The following DEPTOR variants were observed in gnomAD, a reference collection of about 807,000 sequenced individuals.
DEPTOR encodes the protein DEP domain containing MTOR interacting protein.
DEPTOR carries 41 observed loss-of-function variants against 41.6 expected under a neutral mutation model. The observed-to-expected ratio is 0.98, with a 90% confidence interval of 0.77 to 1.28. DEPTOR has a LOEUF of 1.28. Among genes scored for constraint, DEPTOR ranks in the 50% most tolerant of loss-of-function variants. The pLI is 0.00. For missense variants in DEPTOR, 514 were observed against 527.9 expected, an observed-to-expected ratio of 0.97 and a Z score of 0.26; for synonymous variants, 195 against 192.3, an observed-to-expected ratio of 1.01 and a Z score of -0.12.
intron 1 of DEPTOR, among the ~76,000 whole-genome samples, chr8:119,917,938 G>A (rs1827835762): frequency 6.6e-6 from 1 of 152,208 alleles, no homozygotes; most frequent in Non-Finnish European, 1.5e-5. Flanking sequence ...ATGTTTATGT[G>A]TATACATATC....
At chr8:119,954,796 C>T (rs148432839) in intron 3 of DEPTOR, among the ~76,000 whole-genome samples, 1 of 152,228 alleles carries the variant, frequency 6.6e-6, no homozygotes, top group East Asian at 1.9e-4. Flanking sequence ...TGGAAATCAG[C>T]TCACATGCAC....
intron 3 of DEPTOR, among the ~76,000 whole-genome samples, chr8:119,955,954 C>T (rs531443307): frequency 2.0e-5 from 3 of 152,144 alleles, no homozygotes; most frequent in East Asian, 3.9e-4. Context: ...TCTTGAGCCC[C>T]GCATCACCAG....
Position 120,016,810 on chromosome 8 carries a change from C to T in DEPTOR, c.1101+7677C>T, listed in dbSNP as rs185946898. Among the ~76,000 whole-genome samples the T allele has an allele frequency of 1.3e-3, 197 of 151,670 alleles. 2 individuals are homozygous for T. The highest frequency in any genetic ancestry group is 4.4e-3 in the African/African-American group (180 of 41,354). ...GTAGAGATGGAGTTTCACCATGTTG[C>T]CTAGGTTGTTCTCGAACTCCTGACC... On this transcript the variant is annotated intron_variant, in intron 8 of 8. Coordinates refer to ENST00000286234, the MANE Select transcript of DEPTOR (RefSeq NM_022783.4).
chr8:119,997,388 C>T (rs1586650857), intron 4 of DEPTOR, among the ~76,000 whole-genome samples: 1 of 152,110 alleles, frequency 6.6e-6, no homozygotes, highest in African/African-American at 2.4e-5. Flanking sequence ...GCATGCTCCA[C>T]CATGCCTGGC....
In DEPTOR at chr8:119,890,767, G is replaced by T. The variant is rs144500186; in HGVS notation, c.122+16799G>T. Among the ~76,000 whole-genome samples the T allele has an allele frequency of 6.6e-5, 10 of 152,204 alleles. No individual in the cohort carries two copies. The East Asian group carries it at 1.9e-3, about 29-fold the overall frequency. On this transcript the variant is annotated intron_variant, in intron 1 of 8. Coordinates refer to ENST00000286234, the MANE Select transcript of DEPTOR (RefSeq NM_022783.4). ...TAAAATGGAAGAAACCAAGGCATGA[G>T]CAACTTGCCATGGTCACACATGTGG...
chr8:119,949,043 C>T (rs1828318913), intron 3 of DEPTOR, among the ~76,000 whole-genome samples: 1 of 152,232 alleles, frequency 6.6e-6, no homozygotes, highest in African/African-American at 2.4e-5. Context: ...GCCTTGGCCT[C>T]CCAAAGTGCT....
At chr8:120,005,577 G>T (rs1812423932) in intron 6 of DEPTOR, among the ~76,000 whole-genome samples, 1 of 152,184 alleles carries the variant, frequency 6.6e-6, no homozygotes, top group Admixed American at 6.5e-5. Flanking sequence ...GGGGATCGGA[G>T]GATGCCACCT....
intron 1 of DEPTOR, among the ~76,000 whole-genome samples, chr8:119,881,466 G>A (rs1008354979): frequency 5.9e-5 from 9 of 151,872 alleles, no homozygotes; most frequent in African/African-American, 2.2e-4. Context: ...AGAGGTTGCA[G>A]TGAGCTGAGA....
intron 3 of DEPTOR, among the ~76,000 whole-genome samples, chr8:119,944,399 G>A (rs1437190427): frequency 6.6e-6 from 1 of 152,150 alleles, no homozygotes; most frequent in African/African-American, 2.4e-5. Flanking sequence ...GTAAGAGCAT[G>A]GAATATGGCT....
Position 119,955,045 on chromosome 8 carries a change from A to T in DEPTOR, c.426-10187A>T, listed in dbSNP as rs192525864. Among the ~76,000 whole-genome samples, 63 of 152,174 alleles carry T rather than the reference A, an allele frequency of 4.1e-4. 1 individual carries two copies. The highest frequency in any genetic ancestry group is 3.1e-4 in the Non-Finnish European group (21 of 68,014). ...GGCTAATTTTGTATTTTTAGTAGAG[A>T]CAGGGATTTGCCATGTTGGCCAGGA... On this transcript the variant is annotated intron_variant, in intron 3 of 8. Coordinates refer to ENST00000286234, the MANE Select transcript of DEPTOR (RefSeq NM_022783.4).
At chr8:119,948,584 T>C (rs1828312377) in intron 3 of DEPTOR, among the ~76,000 whole-genome samples, 1 of 152,020 alleles carries the variant, frequency 6.6e-6, no homozygotes, top group Non-Finnish European at 1.5e-5. Context: ...AATTTTATAC[T>C]TTTTAAAAAC....
intron 8 of DEPTOR, among the ~76,000 whole-genome samples, chr8:120,041,686 C>G (rs951900391): frequency 3.3e-5 from 5 of 152,058 alleles, no homozygotes; most frequent in Non-Finnish European, 5.9e-5. Flanking sequence ...TACAGGCATG[C>G]ACCACCACGC....
chr8:119,905,079 G>C (rs556603644), intron 1 of DEPTOR, among the ~76,000 whole-genome samples: 1 of 148,542 alleles, frequency 6.7e-6, no homozygotes, highest in South Asian at 2.1e-4. Flanking sequence ...AAGTGCTGAG[G>C]TTACAGGTGT....
At chr8:119,952,885 G>A (rs1435238587) in intron 3 of DEPTOR, among the ~76,000 whole-genome samples, 1 of 152,128 alleles carries the variant, frequency 6.6e-6, no homozygotes, top group East Asian at 1.9e-4. Flanking sequence ...GAAGATCCTC[G>A]TTGTCAGACT....
intron 6 of DEPTOR, among the ~76,000 whole-genome samples, chr8:120,004,906 C>G (rs968286640): frequency 2.0e-5 from 3 of 151,766 alleles, no homozygotes; most frequent in Admixed American, 6.6e-5. Flanking sequence ...TGAAATACAC[C>G]AGGATATGTT....
At chr8:120,040,073 A>G (rs979574624) in intron 8 of DEPTOR, among the ~76,000 whole-genome samples, 1 of 151,246 alleles carries the variant, frequency 6.6e-6, no homozygotes. Flanking sequence ...CGAACTCCTG[A>G]CTCCAAGTGA....
At chr8:119,952,497 C>A (rs4871816) in intron 3 of DEPTOR, among the ~76,000 whole-genome samples, 2 of 151,960 alleles carry the variant, frequency 1.3e-5, no homozygotes, top group East Asian at 3.9e-4. Flanking sequence ...ATGTGCAGAA[C>A]GTGCAGGTTT....
At chr8:119,878,375 G>A (rs1283737926) in intron 1 of DEPTOR, among the ~76,000 whole-genome samples, 2 of 150,270 alleles carry the variant, frequency 1.3e-5, no homozygotes, top group Non-Finnish European at 3.0e-5. Flanking sequence ...GCTGGAGTGC[G>A]GTGGCACTAT....
At chr8:119,985,144 A>T (rs1828813549) in intron 4 of DEPTOR, among the ~76,000 whole-genome samples, 1 of 152,172 alleles carries the variant, frequency 6.6e-6, no homozygotes, top group Non-Finnish European at 1.5e-5. Context: ...TTGCACTTCA[A>T]CCCGGGCAAC....
Sources: gnomAD v4.1 joint callset for allele counts (sites outside exome capture counted in the v4.1 genomes callset) on GRCh38, gnomAD v4.1.1 for gene constraint, MANE v1.5 for transcripts, NCBI Gene and HGNC (gene_info 2026-07-23, HGNC 2026-07-21) for gene names.